PRDM16: variants seen among roughly 807,000 people sequenced by gnomAD.
PRDM16 encodes the protein PR/SET domain 16.
In PRDM16, 23 loss-of-function variants were observed where a neutral mutation model predicts 110.6. The ratio of observed to expected loss-of-function variants is 0.21; its 90% CI spans 0.15 to 0.29. PRDM16 has a LOEUF of 0.29. Among genes scored for constraint, PRDM16 ranks in the 10% least tolerant of loss-of-function variants. The pLI is 1.00. For synonymous variants in PRDM16, 799 were observed against 781.8 expected, an observed-to-expected ratio of 1.02 and a Z score of -0.37; for missense variants, 1,615 against 1,794.3, an observed-to-expected ratio of 0.90 and a Z score of 1.81.
rs1164779249 is a variant in PRDM16, at chr1:3,417,978, A to C, written c.2842A>C (p.Lys948Gln). 22 of 1,536,344 alleles carry C rather than the reference A, an allele frequency of 1.4e-5. No homozygotes were observed. The highest frequency in any genetic ancestry group is 1.9e-5 in the Non-Finnish European group (21 of 1,134,876). The change falls in exon 11 of 17, where the codon AAG becomes CAG. Residue 948 changes from lysine (K) to glutamine (Q), a missense_variant. Physicochemically the swap from Lys to Gln is moderately conservative, Grantham distance 53. Coordinates refer to ENST00000270722, the MANE Select transcript of PRDM16 (RefSeq NM_022114.4). ...TLSDPILRKGKERYTCRYCGK... is the reference protein window; with the variant it reads ...TLSDPILRKGQERYTCRYCGK... ...CTCCGACCCCATCCTCAGGAAGGGC[A>C]AGGAGCGATACACGTGCAGGTGAGG...
chr1:3,416,009 A>G (rs546902645), intron 10 of PRDM16, among the ~76,000 whole-genome samples: 1 of 152,084 alleles, frequency 6.6e-6, no homozygotes, highest in East Asian at 1.9e-4. Flanking sequence ...ATCGCTCATC[A>G]CTCGTTCTCA....
chr1:3,231,309 C>A (rs75811948), intron 2 of PRDM16, among the ~76,000 whole-genome samples: 1 of 151,652 alleles, frequency 6.6e-6, no homozygotes, highest in African/African-American at 2.4e-5. Context: ...AGCGCCATCA[C>A]GATTTGTGTG....
chr1:3,282,973 C>T (rs1049172011), intron 3 of PRDM16, among the ~76,000 whole-genome samples: 1 of 152,248 alleles, frequency 6.6e-6, no homozygotes, highest in Non-Finnish European at 1.5e-5. Context: ...TCTGAGTTTT[C>T]TTTGACACTG....
rs905303206 is a variant in PRDM16 at position 3,244,756 on chromosome 1, A to G, written c.438+619A>G. On this transcript the variant is annotated intron_variant, in intron 3 of 16. Transcript: ENST00000270722. This position sits in a 1 kb window ranked among gnomAD's most constrained non-coding sequence, Gnocchi z 4.1. ...CCTGGGGAGGCACACACATAGTCAC[A>G]TGTGTGCCTGGGTGTGCACACTGCA... Among the ~76,000 whole-genome samples the G allele has an allele frequency of 6.6e-6, 1 of 152,124 alleles. No individual in the cohort carries two copies. Among genetic ancestry groups the G allele is most frequent in the African/African-American group, 2.4e-5 (1 of 41,420 alleles).
intron 1 of PRDM16, among the ~76,000 whole-genome samples, chr1:3,079,053 G>A (rs1641960034): frequency 6.6e-6 from 1 of 152,224 alleles, no homozygotes; most frequent in Admixed American, 6.5e-5. Flanking sequence ...TCCTCCCCGG[G>A]CAAACAGGAA....
At position 3,417,992 on chromosome 1, in the gene PRDM16, G is replaced by C; in HGVS notation, c.2856G>C (p.Thr952=). The C allele has an allele frequency of 6.3e-7, 1 of 1,586,080 alleles. No homozygotes were observed. Among genetic ancestry groups the C allele is most frequent in the Middle Eastern group, 1.8e-4 (1 of 5,462 alleles). The part of the protein sequence containing the change: ...PILRKGKERY[T]CRYCGKIFPR... The stretch of plus-strand genomic sequence containing the variant: ...TCAGGAAGGGCAAGGAGCGATACAC[G>C]TGCAGGTGAGGGGCCCTTTGGTGCT... Residue 952 remains threonine (T), a synonymous_variant, in exon 11 of 17, where the codon ACG becomes ACC. Coordinates refer to ENST00000270722, the MANE Select transcript of PRDM16 (RefSeq NM_022114.4).
At chr1:3,131,204 A>G (rs1643329337) in intron 1 of PRDM16, among the ~76,000 whole-genome samples, 2 of 152,192 alleles carry the variant, frequency 1.3e-5, no homozygotes, top group African/African-American at 4.8e-5. Context: ...CAGAAAAGCA[A>G]GACTCCCTCT....
intron 1 of PRDM16, among the ~76,000 whole-genome samples, chr1:3,104,292 C>T (rs1297741985): frequency 2.0e-5 from 3 of 152,200 alleles, no homozygotes; most frequent in Non-Finnish European, 4.4e-5. Flanking sequence ...AGCCCAAGAC[C>T]TGCTGTCCTT....
chr1:3,221,459 T>C (rs1479045727), intron 2 of PRDM16, among the ~76,000 whole-genome samples: 1 of 152,246 alleles, frequency 6.6e-6, no homozygotes, highest in Non-Finnish European at 1.5e-5. Context: ...GCAGCTGGCC[T>C]CACTGGGGAG....
chr1:3,158,647 T>C (rs954322852), intron 1 of PRDM16, among the ~76,000 whole-genome samples: 2 of 151,824 alleles, frequency 1.3e-5, no homozygotes, highest in African/African-American at 4.8e-5. Context: ...TTGTTGGAGA[T>C]TTTTCTTTTT....
intron 5 of PRDM16, among the ~76,000 whole-genome samples, chr1:3,402,518 C>A (rs1036802355): frequency 2.6e-5 from 4 of 152,230 alleles, no homozygotes; most frequent in Admixed American, 6.5e-5. Flanking sequence ...GAGGCACAGG[C>A]AGGGCCGGGT....
At chr1:3,127,708 C>T (rs1319234772) in intron 1 of PRDM16, among the ~76,000 whole-genome samples, 6 of 152,244 alleles carry the variant, frequency 3.9e-5, no homozygotes, top group Non-Finnish European at 5.9e-5. Context: ...GTCCCCCTTG[C>T]GGTGCAGAGG....
chr1:3,229,696 A>T (rs1324971812), intron 2 of PRDM16, among the ~76,000 whole-genome samples: 1 of 152,140 alleles, frequency 6.6e-6, no homozygotes, highest in Non-Finnish European at 1.5e-5. Context: ...GAGACAAACC[A>T]GGGAAACCTT....
intron 4 of PRDM16, among the ~76,000 whole-genome samples, chr1:3,386,002 C>T (rs974146812): frequency 6.6e-6 from 1 of 152,236 alleles, no homozygotes; most frequent in African/African-American, 2.4e-5. Flanking sequence ...CTCCAGAAGG[C>T]ACCGTGTCCC....
chr1:3,136,296 G>A (rs1022898566), intron 1 of PRDM16, among the ~76,000 whole-genome samples: 4 of 152,218 alleles, frequency 2.6e-5, no homozygotes, highest in Admixed American at 6.5e-5. Context: ...GGGTCTCGGC[G>A]AGGCACGCCA....
chr1:3,379,216 G>A (rs1440444949), intron 3 of PRDM16, among the ~76,000 whole-genome samples: 8 of 74,814 alleles, frequency 1.1e-4, no homozygotes, highest in Non-Finnish European at 1.8e-4. Flanking sequence ...ACCTCTCCCA[G>A]CACACCCCTC....
intron 1 of PRDM16, among the ~76,000 whole-genome samples, chr1:3,125,683 GGAGCTCA>G (rs1481998103): frequency 1.3e-5 from 2 of 152,272 alleles, no homozygotes; most frequent in African/African-American, 4.8e-5. Flanking sequence ...GGCTCTCCCA[GGAGCTCA>G]GCCGTGTTTG....
At chr1:3,166,887 C>T (rs986992468) in intron 1 of PRDM16, among the ~76,000 whole-genome samples, 11 of 152,050 alleles carry the variant, frequency 7.2e-5, no homozygotes, top group East Asian at 1.9e-4. Context: ...GTCCTCACGG[C>T]GGCCTACGAA....
chr1:3,403,615 C>G (rs1272573604), intron 6 of PRDM16, among the ~76,000 whole-genome samples: 1 of 152,228 alleles, frequency 6.6e-6, no homozygotes, highest in Non-Finnish European at 1.5e-5. Context: ...CTCCCCTGCC[C>G]TGAGACCAGG....
Sources: allele counts gnomAD v4.1 joint callset (sites outside exome capture counted in the v4.1 genomes callset), GRCh38; gene constraint gnomAD v4.1.1; non-coding constraint Gnocchi (gnomAD v3.1); transcripts MANE v1.5; gene names NCBI Gene and HGNC (gene_info 2026-07-23, HGNC 2026-07-21).